Variants in TMEM135 observed in about 807,000 individuals in gnomAD.
The protein encoded by TMEM135 is transmembrane protein 135.
In TMEM135, 30 loss-of-function variants were observed where a neutral mutation model predicts 60.3. The ratio of observed to expected loss-of-function variants is 0.50; its 90% confidence interval spans 0.37 to 0.68. TMEM135 has a LOEUF of 0.68. Ranked by LOEUF, TMEM135 falls within the 30% of genes least tolerant of loss-of-function variation. TMEM135 has a pLI of 0.00. For missense variants in TMEM135, 468 were observed against 548.8 expected (o/e 0.85, Z 1.47); for synonymous variants, 190 against 186.7 (o/e 1.02, Z -0.14).
chr11:87,084,900 TATGCC>T (rs1565434030), intron 3 of TMEM135, among the ~76,000 whole-genome samples: 1 of 152,238 alleles, frequency 6.6e-6, no homozygotes, highest in Non-Finnish European at 1.5e-5. Context: ...TTTTCAGGCC[TATGCC>T]ATCATCTGTT....
chr11:87,100,420 T>C (rs768722660), intron 4 of TMEM135, among the ~76,000 whole-genome samples: 2 of 152,218 alleles, frequency 1.3e-5, no homozygotes, highest in Non-Finnish European at 2.9e-5. Context: ...CAGGGAGAAC[T>C]GAATTCAATC....
chr11:87,204,686 T>C (rs1277575992), intron 5 of TMEM135, among the ~76,000 whole-genome samples: 1 of 152,120 alleles, frequency 6.6e-6, no homozygotes, highest in Non-Finnish European at 1.5e-5. Context: ...AAGTGGATCA[T>C]CATAAGTGGA....
At chr11:87,284,408 T>G (rs1489256161) in intron 6 of TMEM135, among the ~76,000 whole-genome samples, 1 of 152,246 alleles carries the variant, frequency 6.6e-6, no homozygotes, top group Non-Finnish European at 1.5e-5. Flanking sequence ...GCAGAAACAG[T>G]TCCAGCTTCT....
At position 87,093,473 on chromosome 11, in the gene TMEM135, A is replaced by G. The variant is rs146621224; in HGVS notation, c.396+2078A>G. Among the ~76,000 whole-genome samples, 1,294 of 152,168 alleles carry G rather than the reference A, an allele frequency of 8.5e-3. 25 individuals are homozygous for G. Among genetic ancestry groups the G allele is most frequent in the African/African-American group, 0.03 (1,231 of 41,530 alleles). On this transcript the variant is annotated intron_variant, in intron 4 of 14. Coordinates refer to ENST00000305494, the MANE Select transcript of TMEM135 (RefSeq NM_022918.4). ...TGATCCTTTTGCCTTGGCCTCCCAA[A>G]GTGCTGTGATTATAGGCAAGAGCCA...
At chr11:87,202,564 T>C (rs1199283305) in intron 5 of TMEM135, among the ~76,000 whole-genome samples, 1 of 152,170 alleles carries the variant, frequency 6.6e-6, no homozygotes, top group Non-Finnish European at 1.5e-5. Flanking sequence ...AGTTTGCATT[T>C]TTATTAACCT....
intron 3 of TMEM135, among the ~76,000 whole-genome samples, chr11:87,084,518 A>C (rs1258875170): frequency 6.6e-6 from 1 of 152,042 alleles, no homozygotes; most frequent in Middle Eastern, 3.2e-3. Flanking sequence ...GGCTATCTCA[A>C]ACTCATGGGC....
Position 87,326,933 on chromosome 11 carries a change from C to G in TMEM135, c.*5600C>G, listed in dbSNP as rs770717439. On this transcript the variant is annotated 3_prime_UTR_variant, in exon 15 of 15. Transcript: ENST00000305494. ...GACCTTTTTTTTTTTTTTTTTTTCACTAAAACGCTTCCTATAACTTGGATT... is the reference window on the plus strand; with the variant it reads ...GACCTTTTTTTTTTTTTTTTTTTCAGTAAAACGCTTCCTATAACTTGGATT... The G allele has an allele frequency of 5.1e-6, 2 of 388,390 alleles. No homozygotes were observed. Among genetic ancestry groups the G allele is most frequent in the African/African-American group, 5.1e-5 (2 of 39,274 alleles). 24.1% of individuals were successfully genotyped at this position (388,390 alleles called of 1,614,324 possible).
At position 87,236,641 on chromosome 11, in the gene TMEM135, C is replaced by G; in HGVS notation, c.466C>G (p.Leu156Val). ...TITTLRNGEV[L>V]LFCITAAMYM... ...ATATATTTTCTCTTTGTTACAGGTC[C>G]TTTTGTTTTGCATCACAGCTGCCAT... Residue 156 changes from leucine to valine, a missense_variant, in exon 6 of 15, where the codon CTT becomes GTT. Transcript: ENST00000305494. 1.2e-6 allele frequency: 2 copies of G among 1,612,190 alleles called. No individual in the cohort carries two copies. The highest frequency in any genetic ancestry group is 1.7e-6 in the Non-Finnish European group (2 of 1,178,926).
At chr11:87,093,402 A>G (rs909042870) in intron 4 of TMEM135, among the ~76,000 whole-genome samples, 31 of 151,870 alleles carry the variant, frequency 2.0e-4, no homozygotes, top group African/African-American at 7.5e-4. Flanking sequence ...TTATTTTTGT[A>G]GAGATGGGAT....
intron 1 of TMEM135, among the ~76,000 whole-genome samples, chr11:87,063,457 A>G (rs186118093): frequency 6.6e-6 from 1 of 152,344 alleles, no homozygotes; most frequent in East Asian, 1.9e-4. Context: ...CTGATATCTG[A>G]TGATTTTATA....
intron 5 of TMEM135, among the ~76,000 whole-genome samples, chr11:87,196,435 T>C (rs1336655879): frequency 6.6e-6 from 1 of 152,200 alleles, no homozygotes; most frequent in Non-Finnish European, 1.5e-5. Flanking sequence ...GGAAATACTA[T>C]TAAAAAGTGA....
intron 4 of TMEM135, among the ~76,000 whole-genome samples, chr11:87,138,789 A>G (rs1938183878): frequency 6.6e-6 from 1 of 152,202 alleles, no homozygotes; most frequent in Admixed American, 6.5e-5. Context: ...CTGCAAGTAA[A>G]GGTGAGATTG....
intron 1 of TMEM135, among the ~76,000 whole-genome samples, chr11:87,064,197 G>A (rs1341569747): frequency 6.6e-6 from 1 of 150,428 alleles, no homozygotes; most frequent in Non-Finnish European, 1.5e-5. Flanking sequence ...GTGTGTGGTG[G>A]TATTTCTCTG....
At chr11:87,143,834 A>G (rs1208952269) in intron 4 of TMEM135, among the ~76,000 whole-genome samples, 7 of 152,180 alleles carry the variant, frequency 4.6e-5, no homozygotes, top group Admixed American at 6.5e-5. Flanking sequence ...TTGATGTGGT[A>G]AGGATATAGT....
chr11:87,288,107 G>C (rs1448786480), intron 6 of TMEM135, among the ~76,000 whole-genome samples: 1 of 152,124 alleles, frequency 6.6e-6, no homozygotes, highest in Non-Finnish European at 1.5e-5. Flanking sequence ...ACTACCCACA[G>C]TTTGGTTTTA....
At chr11:87,303,748 A>C (rs891491118) in intron 8 of TMEM135, among the ~76,000 whole-genome samples, 15 of 152,254 alleles carry the variant, frequency 9.9e-5, no homozygotes, top group African/African-American at 3.6e-4. Flanking sequence ...TTTATTAAAC[A>C]AGTTCAAAAA....
rs765698912 is a variant in TMEM135, at chr11:87,322,751, T to G, written c.*1418T>G. On this transcript the variant is annotated 3_prime_UTR_variant, in exon 15 of 15. Coordinates refer to ENST00000305494, the MANE Select transcript of TMEM135 (RefSeq NM_022918.4). ...TTGTATACTTCTGCTTAAATGTAAT[T>G]CAATCCTTGGTTGTTATGGCAAACA... 8 of 454,210 alleles carry G rather than the reference T, an allele frequency of 1.8e-5. No individual in the cohort carries two copies. Among genetic ancestry groups the G allele is most frequent in the South Asian group, 1.2e-4 (8 of 64,472 alleles). 28.1% of individuals were successfully genotyped at this position (454,210 alleles called of 1,614,324 possible).
intron 4 of TMEM135, among the ~76,000 whole-genome samples, chr11:87,135,075 A>G (rs1419857781): frequency 2.0e-5 from 3 of 152,146 alleles, no homozygotes; most frequent in Non-Finnish European, 2.9e-5. Context: ...GCATATTTTA[A>G]AATTGGATTG....
At chr11:87,079,124 G>A (rs1038594601) in intron 3 of TMEM135, among the ~76,000 whole-genome samples, 2 of 152,054 alleles carry the variant, frequency 1.3e-5, no homozygotes, top group Admixed American at 1.3e-4. Flanking sequence ...TTCTGCCTCA[G>A]CCTCCCAGGT....
Sources: allele counts gnomAD v4.1 joint callset (sites outside exome capture counted in the v4.1 genomes callset), GRCh38; gene constraint gnomAD v4.1.1; transcripts MANE v1.5; gene names NCBI Gene and HGNC (gene_info 2026-07-23, HGNC 2026-07-21).